Variants in DNM3 observed in about 807,000 individuals in gnomAD.
DNM3 encodes the protein dynamin 3, also known as dynamin-3.
DNM3 carries 47 observed loss-of-function variants against 101.6 expected under a neutral mutation model. The observed-to-expected ratio is 0.46, with a 90% CI of 0.37 to 0.59. The LOEUF (loss-of-function observed/expected upper bound fraction) is 0.59. Ranked by LOEUF, DNM3 falls within the 20% of genes least tolerant of loss-of-function variation. The probability of loss-of-function intolerance (pLI) is 0.00; values close to 1 mark genes in which losing one functional copy is unlikely to be tolerated. For synonymous variants in DNM3, 385 were observed against 387.9 expected (o/e 0.99, Z 0.09); for missense variants, 849 against 1,085.7 (o/e 0.78, Z 3.06).
In DNM3 at chr1:172,384,024, T is replaced by C. The variant is rs145626251; in HGVS notation, c.2059-3109T>C. 1.8e-3 allele frequency among the ~76,000 whole-genome samples: 272 copies of C among 152,294 alleles called. 1 individual carries two copies. The highest frequency in any genetic ancestry group is 6.2e-3 in the African/African-American group (259 of 41,564). On this transcript the variant is annotated intron_variant, in intron 18 of 20. Transcript: ENST00000627582. ...TAAAAGGGATTCACTTGACCCCTGATTGTCATGCAGAATTCTTGATTTAAA... is the reference window on the plus strand; with the variant it reads ...TAAAAGGGATTCACTTGACCCCTGACTGTCATGCAGAATTCTTGATTTAAA...
intron 13 of DNM3, among the ~76,000 whole-genome samples, chr1:172,113,620 C>CAAAAAA (rs34129992): frequency 6.1e-4 from 32 of 52,308 alleles, no homozygotes; most frequent in Non-Finnish European, 8.0e-4. Context: ...AACTCTGTCT[C>CAAAAAA]AAAAAAAAAA....
rs55756017 is a variant in DNM3 at position 172,181,375 on chromosome 1, TACACACAC to T, written c.1659+50119_1659+50126del. Reference sequence around the variant, plus strand: ...TCTTATGCTTTAAAACACTTGAGTTTACACACACACACACACACACACACACACACACA... The same window carrying T: ...TCTTATGCTTTAAAACACTTGAGTTTACACACACACACACACACACACACA... On this transcript the variant is annotated intron_variant, in intron 14 of 20. Coordinates refer to ENST00000627582, the MANE Select transcript of DNM3 (RefSeq NM_015569.5). Among the ~76,000 whole-genome samples the T allele has an allele frequency of 9.9e-3, 1,466 of 147,618 alleles. 5 individuals carry two copies. The highest frequency in any genetic ancestry group is 0.012 in the African/African-American group (478 of 40,642).
intron 14 of DNM3, among the ~76,000 whole-genome samples, chr1:172,147,232 ACAC>A (rs1399463739): frequency 1.3e-5 from 2 of 152,154 alleles, no homozygotes; most frequent in Non-Finnish European, 2.9e-5. Context: ...AGTTAGGAAT[ACAC>A]ATCTGTTACC....
intron 2 of DNM3, among the ~76,000 whole-genome samples, chr1:171,985,930 G>A (rs2045219245): frequency 6.6e-6 from 1 of 152,120 alleles, no homozygotes; most frequent in African/African-American, 2.4e-5. Flanking sequence ...TAATGCACAC[G>A]GCCTTTTCAC....
At chr1:172,272,001 A>T (rs1289315125) in intron 15 of DNM3, among the ~76,000 whole-genome samples, 1 of 152,130 alleles carries the variant, frequency 6.6e-6, no homozygotes, top group Non-Finnish European at 1.5e-5. Context: ...AAATAGTGTC[A>T]GTTGTTTTCC....
At chr1:171,992,150 A>T (rs1450369090) in intron 4 of DNM3, among the ~76,000 whole-genome samples, 3 of 152,340 alleles carry the variant, frequency 2.0e-5, no homozygotes, top group Non-Finnish European at 2.9e-5. Context: ...TAAATCTTGT[A>T]AAGTGATTTC....
chr1:172,332,761 T>G (rs553657490), intron 17 of DNM3, among the ~76,000 whole-genome samples: 1 of 152,294 alleles, frequency 6.6e-6, no homozygotes, highest in South Asian at 2.1e-4. Context: ...CCACACTCCT[T>G]TCATTGTCTA....
intron 14 of DNM3, among the ~76,000 whole-genome samples, chr1:172,246,220 CAG>C (rs1020755300): frequency 6.6e-6 from 1 of 152,108 alleles, no homozygotes; most frequent in African/African-American, 2.4e-5. Context: ...CATGGGGAGA[CAG>C]AGCCAAACCC....
In DNM3 at chr1:172,086,617, A is replaced by T. The variant is rs1377318614; in HGVS notation, c.1493+4715A>T. On this transcript the variant is annotated intron_variant, in intron 12 of 20. Transcript: ENST00000627582. ...TTTTAATCTGGCTACCAGCTACTGC[A>T]TTGGACGGCAGAGCCCTACAGTATA... Among the ~76,000 whole-genome samples, 3 of 152,286 alleles carry T rather than the reference A, an allele frequency of 2.0e-5. No individual in the cohort carries two copies. In the East Asian group the frequency reaches 5.8e-4, roughly 29 times the overall value.
chr1:172,355,703 T>C (rs1453586161), intron 17 of DNM3, among the ~76,000 whole-genome samples: 1 of 152,088 alleles, frequency 6.6e-6, no homozygotes, highest in Non-Finnish European at 1.5e-5. Context: ...CACGATTGGA[T>C]ATATAACTGA....
At chr1:172,098,838 A>C (rs2054433896) in intron 13 of DNM3, among the ~76,000 whole-genome samples, 1 of 152,194 alleles carries the variant, frequency 6.6e-6, no homozygotes, top group Non-Finnish European at 1.5e-5. Context: ...AAGGGAGAGA[A>C]TGTTTCAAGG....
intron 15 of DNM3, among the ~76,000 whole-genome samples, chr1:172,307,703 A>G (rs2064897090): frequency 1.3e-5 from 2 of 152,174 alleles, no homozygotes; most frequent in Admixed American, 6.5e-5. Context: ...CATAAAAAGG[A>G]TGAGTTCATG....
At chr1:171,859,535 T>C (rs1451229335) in intron 1 of DNM3, among the ~76,000 whole-genome samples, 1 of 152,194 alleles carries the variant, frequency 6.6e-6, no homozygotes, top group Non-Finnish European at 1.5e-5. Flanking sequence ...TCAGCCTTTT[T>C]CATACCTGAT....
At chr1:171,880,050 G>A (rs2036128106) in intron 1 of DNM3, among the ~76,000 whole-genome samples, 1 of 152,192 alleles carries the variant, frequency 6.6e-6, no homozygotes, top group Non-Finnish European at 1.5e-5. Context: ...TCTGGGAAAT[G>A]AGGTTTTTAG....
Position 171,867,587 on chromosome 1 carries a change from G to C in DNM3, c.161+25770G>C, listed in dbSNP as rs1194266181. 2.6e-5 allele frequency among the ~76,000 whole-genome samples: 4 copies of C among 152,110 alleles called. No homozygotes were observed. In the East Asian group the frequency reaches 7.7e-4, roughly 29 times the overall value. On this transcript the variant is annotated intron_variant, in intron 1 of 20. Transcript: ENST00000627582. ...CCAAACTGGTTTTTGTATATTTATG[G>C]TATTGTCACTCATAAATTTTTCCAT...
rs571722353 is a variant in DNM3 at position 172,409,741 on chromosome 1, C to A, written c.*1900C>A. 14 of 978,220 alleles carry A rather than the reference C, an allele frequency of 1.4e-5. No homozygotes were observed. The African/African-American group carries it at 2.3e-4, about 16-fold the overall frequency. 60.6% of individuals were successfully genotyped at this position (978,220 alleles called of 1,614,324 possible). A position where few individuals can be genotyped will look rare whatever the true frequency, so the allele number is the denominator to read the frequency against. ...TCAGTGAGATCTTTTTATAAAACTT[C>A]TTGTTTTTAGGATTCCCTTTGCTTC... On this transcript the variant is annotated 3_prime_UTR_variant, in exon 21 of 21. Coordinates refer to ENST00000627582, the MANE Select transcript of DNM3 (RefSeq NM_015569.5).
chr1:172,029,778 C>A (rs1030236239), intron 4 of DNM3, among the ~76,000 whole-genome samples: 7 of 152,074 alleles, frequency 4.6e-5, no homozygotes, highest in Non-Finnish European at 7.4e-5. Flanking sequence ...AAACAGAGAA[C>A]CAAATCATGC....
chr1:171,907,419 A>T (rs757832065), intron 1 of DNM3, among the ~76,000 whole-genome samples: 2 of 151,880 alleles, frequency 1.3e-5, no homozygotes, highest in Non-Finnish European at 2.9e-5. Flanking sequence ...TGAACCTGGG[A>T]GGCGGAGGTT....
At chr1:172,363,841 C>A (rs191796268) in intron 17 of DNM3, among the ~76,000 whole-genome samples, 1 of 151,976 alleles carries the variant, frequency 6.6e-6, no homozygotes, top group Admixed American at 6.6e-5. Context: ...CCTAACACAT[C>A]AAACTAATTT....
Sources: allele counts gnomAD v4.1 joint callset (sites outside exome capture counted in the v4.1 genomes callset), GRCh38; gene constraint gnomAD v4.1.1; transcripts MANE v1.5; gene names NCBI Gene and HGNC (gene_info 2026-07-23, HGNC 2026-07-21).